Variants in ATP2A2 observed in about 807,000 individuals in gnomAD.
The protein encoded by ATP2A2 is ATPase sarcoplasmic/endoplasmic reticulum Ca2+ transporting 2.
ATP2A2 carries 14 observed loss-of-function variants against 109.3 expected under a neutral mutation model. The observed-to-expected ratio is 0.13, with a 90% CI of 0.08 to 0.20. The LOEUF (loss-of-function observed/expected upper bound fraction) is 0.20, where lower values mean the gene tolerates loss of function less well. Among genes scored for constraint, ATP2A2 ranks in the 10% least tolerant of loss-of-function variants. The pLI is 1.00. For synonymous variants in ATP2A2, 506 were observed against 490.9 expected (o/e 1.03, Z -0.41); for missense variants, 657 against 1,321.6 (o/e 0.50, Z 7.80).
At chr12:110,309,341 A>G (rs1373229212) in intron 5 of ATP2A2, among the ~76,000 whole-genome samples, 2 of 151,182 alleles carry the variant, frequency 1.3e-5, no homozygotes, top group South Asian at 2.1e-4. Context: ...TATTTTTAGT[A>G]GAGACAGGGT....
At chr12:110,335,455 A>G (rs1878751871) in intron 11 of ATP2A2, among the ~76,000 whole-genome samples, 1 of 152,150 alleles carries the variant, frequency 6.6e-6, no homozygotes, top group African/African-American at 2.4e-5. Flanking sequence ...CTTGAGGCCT[A>G]GAGTTTAGGT....
Position 110,340,760 on chromosome 12 carries a change from C to A in ATP2A2, c.1863C>A (p.Ile621=), listed in dbSNP as rs762841024. The A allele has an allele frequency of 6.2e-7, 1 of 1,614,180 alleles. No individual in the cohort carries two copies. The highest frequency in any genetic ancestry group is 8.5e-7 in the Non-Finnish European group (1 of 1,180,028). Residue 621 remains isoleucine, a synonymous_variant, in exon 14 of 20, where the codon ATC becomes ATA. Transcript: ENST00000539276. This position sits in a 1 kb window ranked among gnomAD's most constrained non-coding sequence, Gnocchi z 6.0. The part of the protein sequence containing the change: ...KLCRQAGIRV[I]MITGDNKGTA... ...GCCGGCAAGCAGGCATCCGGGTCAT[C>A]ATGATCACTGGGGACAACAAGGGCA...
intron 5 of ATP2A2, among the ~76,000 whole-genome samples, chr12:110,314,909 C>T (rs1299491164): frequency 2.0e-5 from 3 of 151,394 alleles, no homozygotes; most frequent in East Asian, 3.9e-4. Context: ...CTCTGTCGCC[C>T]AGGCTGGAGT....
intron 3 of ATP2A2, among the ~76,000 whole-genome samples, chr12:110,285,043 T>G (rs1417079820): frequency 6.6e-6 from 1 of 152,168 alleles, no homozygotes; most frequent in Non-Finnish European, 1.5e-5. Flanking sequence ...AATATTCAGG[T>G]TTTTTTGGAG....
At chr12:110,308,326 T>G (rs1057494441) in intron 5 of ATP2A2, among the ~76,000 whole-genome samples, 3 of 152,192 alleles carry the variant, frequency 2.0e-5, no homozygotes, top group Non-Finnish European at 2.9e-5. Context: ...TCCTTCACAG[T>G]GAAGTGTGAC....
intron 3 of ATP2A2, among the ~76,000 whole-genome samples, chr12:110,287,333 G>C (rs1238575701): frequency 6.6e-6 from 1 of 152,078 alleles, no homozygotes; most frequent in Admixed American, 6.5e-5. Flanking sequence ...TTTCAGTGCT[G>C]TACAGAGATT....
intron 11 of ATP2A2, among the ~76,000 whole-genome samples, chr12:110,338,179 C>T (rs1222152033): frequency 3.9e-5 from 6 of 152,224 alleles, no homozygotes; most frequent in African/African-American, 1.4e-4. Context: ...TCTATAGTTA[C>T]TCCCATGATC....
At position 110,327,538 on chromosome 12, in the gene ATP2A2, C is replaced by T. The variant is rs767203045; in HGVS notation, c.631-15C>T. 2 of 1,611,548 alleles carry T rather than the reference C, an allele frequency of 1.2e-6. No individual in the cohort carries two copies. Among genetic ancestry groups the T allele is most frequent in the Non-Finnish European group, 1.7e-6 (2 of 1,177,648 alleles). On this transcript the variant is annotated splice_polypyrimidine_tract_variant and intron_variant, in intron 7 of 19. Transcript: ENST00000539276. The surrounding 1 kb of genome is among the most constrained non-coding windows in gnomAD (Gnocchi z 4.4). ...TGGTATTCATCTTGTGACCAGTTCT[C>T]TACTTCTGTCCTAGGGTACAAACAT...
At chr12:110,291,474 G>A (rs1396520441) in intron 3 of ATP2A2, among the ~76,000 whole-genome samples, 3 of 152,040 alleles carry the variant, frequency 2.0e-5, no homozygotes, top group Admixed American at 2.0e-4. Context: ...CCAAAGTGTT[G>A]GGATTACAGG....
chr12:110,311,771 C>T (rs1876105201), intron 5 of ATP2A2, among the ~76,000 whole-genome samples: 1 of 148,888 alleles, frequency 6.7e-6, no homozygotes, highest in Admixed American at 6.7e-5. Context: ...GGTGCAGTGG[C>T]TTATCCCTGC....
In ATP2A2 at chr12:110,292,016, C is replaced by G; in HGVS notation, c.220-4C>G. Reference sequence around the variant, plus strand: ...CACATTCTAACGTGCCATTTCTCTTCTAGGTTTTGGCTTGGTTTGAAGAAG... The same window carrying G: ...CACATTCTAACGTGCCATTTCTCTTGTAGGTTTTGGCTTGGTTTGAAGAAG... On this transcript the variant is annotated splice_polypyrimidine_tract_variant and splice_region_variant and intron_variant, in intron 3 of 19. Transcript: ENST00000539276. The G allele has an allele frequency of 1.9e-6, 3 of 1,613,058 alleles. No individual in the cohort carries two copies. Among genetic ancestry groups the G allele is most frequent in the Non-Finnish European group, 2.5e-6 (3 of 1,179,028 alleles).
At chr12:110,336,803 T>G (rs1878881371) in intron 11 of ATP2A2, among the ~76,000 whole-genome samples, 1 of 152,234 alleles carries the variant, frequency 6.6e-6, no homozygotes, top group African/African-American at 2.4e-5. Flanking sequence ...CTCCTTTGGC[T>G]TCTTCCCTCT....
intron 11 of ATP2A2, among the ~76,000 whole-genome samples, chr12:110,334,940 G>T (rs753633465): frequency 8.5e-5 from 13 of 152,098 alleles, no homozygotes; most frequent in Non-Finnish European, 1.6e-4. Context: ...AATACCAAAG[G>T]TCAATGTGGT....
At chr12:110,317,116 A>G (rs527672234) in intron 5 of ATP2A2, among the ~76,000 whole-genome samples, 4 of 152,196 alleles carry the variant, frequency 2.6e-5, no homozygotes, top group Non-Finnish European at 5.9e-5. Flanking sequence ...AATTTCATTC[A>G]GTCTCTGCTA....
In ATP2A2 at chr12:110,282,363, C is replaced by T. The variant is rs113872372; in HGVS notation, c.119-241C>T. Among the ~76,000 whole-genome samples, 188 of 152,296 alleles carry T rather than the reference C, an allele frequency of 1.2e-3. 1 individual carries two copies. The highest frequency in any genetic ancestry group is 6.8e-3 in the Middle Eastern group (2 of 294). The stretch of plus-strand genomic sequence containing the variant: ...GGTTCAGGAGCCCGAAGTGATTTCA[C>T]GCTTAGGGCTAGACCTCAGGCCATT... On this transcript the variant is annotated intron_variant, in intron 1 of 19. Transcript: ENST00000539276.
intron 5 of ATP2A2, among the ~76,000 whole-genome samples, chr12:110,299,580 TCAAAGA>T (rs1874328744): frequency 6.6e-6 from 1 of 152,156 alleles, no homozygotes; most frequent in Non-Finnish European, 1.5e-5. Flanking sequence ...CGTGAGTAGT[TCAAAGA>T]GTGAGCCTCT....
At position 110,296,754 on chromosome 12, in the gene ATP2A2, A is replaced by G. The variant is rs760742912; in HGVS notation, c.463+17A>G. On this transcript the variant is annotated intron_variant, in intron 5 of 19. Coordinates refer to ENST00000539276, the MANE Select transcript of ATP2A2 (RefSeq NM_170665.4). ...AAATTGCTGGTGAGTTGAGTTTGTC[A>G]TTTTTCTTTTATTCTAGATAGTATT... 1 of 1,613,554 alleles carries G rather than the reference A, an allele frequency of 6.2e-7. No individual in the cohort carries two copies. The highest frequency in any genetic ancestry group is 1.1e-5 in the South Asian group (1 of 91,072).
intron 3 of ATP2A2, 141 bp from the exon 4 acceptor site, chr12:110,291,879 C>G: frequency 1.3e-6 from 1 of 748,034 alleles, no homozygotes; most frequent in Non-Finnish European, 2.4e-6. Flanking sequence ...AACTCTTGAC[C>G]TCAGGTGATC....
At chr12:110,317,868 G>T (rs945026721) in intron 5 of ATP2A2, among the ~76,000 whole-genome samples, 8 of 152,162 alleles carry the variant, frequency 5.3e-5, no homozygotes, top group Admixed American at 4.6e-4. Flanking sequence ...AATCTTTATT[G>T]TAATAGCAAA....
Sources: gnomAD v4.1 joint callset for allele counts (sites outside exome capture counted in the v4.1 genomes callset) on GRCh38, gnomAD v4.1.1 for gene constraint, Gnocchi (gnomAD v3.1) non-coding constraint, MANE v1.5 for transcripts, NCBI Gene and HGNC (gene_info 2026-07-23, HGNC 2026-07-21) for gene names.